Variants in USP32 observed in about 807,000 individuals in gnomAD.
USP32 encodes ubiquitin carboxyl-terminal hydrolase 32.
Under a neutral mutation model 204.8 loss-of-function variants are expected in USP32, and 59 were observed. The observed-to-expected ratio is 0.29, with a 90% CI of 0.23 to 0.36. USP32 has a LOEUF of 0.36. Among genes scored for constraint, USP32 ranks in the 10% least tolerant of loss-of-function variants. The pLI, the probability that USP32 is intolerant of heterozygous loss-of-function variation, is 1.00. For synonymous variants in USP32, 517 were observed against 678.4 expected, an observed-to-expected ratio of 0.76 and a Z score of 3.70; for missense variants, 1,160 against 1,946.4, an observed-to-expected ratio of 0.60 and a Z score of 7.60.
At position 60,356,393 on chromosome 17, in the gene USP32, C is replaced by T. The variant is rs575134382; in HGVS notation, c.59-10785G>A. 2.0e-5 allele frequency among the ~76,000 whole-genome samples: 3 copies of T among 152,266 alleles called. No individual in the cohort carries two copies. In the South Asian group the frequency reaches 6.2e-4, roughly 32 times the overall value. The stretch of plus-strand genomic sequence containing the variant: ...TGCATGTGCCCCAAAATTCCCATAT[C>T]TCTCACTTTGGCTGACCTTAAACCT... On this transcript the variant is annotated intron_variant, in intron 1 of 33. Transcript: ENST00000300896.
intron 2 of USP32, among the ~76,000 whole-genome samples, chr17:60,335,984 C>T (rs8079722): frequency 0.24 from 33,865 of 141,950 alleles, 10,802 homozygotes; most frequent in African/African-American, 0.69. Flanking sequence ...TGGATAGGAT[C>T]CCAACTGTTT....
intron 4 of USP32, among the ~76,000 whole-genome samples, chr17:60,288,909 C>A (rs375395453): frequency 1.2e-4 from 18 of 152,316 alleles, no homozygotes; most frequent in African/African-American, 4.3e-4. Context: ...ATGTTAACTA[C>A]AAATTATTTC....
intron 2 of USP32, among the ~76,000 whole-genome samples, chr17:60,325,273 G>A (rs1433512886): frequency 6.6e-6 from 1 of 151,972 alleles, no homozygotes; most frequent in Non-Finnish European, 1.5e-5. Context: ...AATTACCCAG[G>A]TGTGGCAGTG....
intron 1 of USP32, 82 bp from the exon 2 acceptor site, chr17:60,345,690 G>C: frequency 6.3e-7 from 1 of 1,582,728 alleles, no homozygotes; most frequent in Non-Finnish European, 8.6e-7. Context: ...TGGCTCCTAA[G>C]AAAAATTGAG....
At chr17:60,270,969 G>A (rs2086711369) in intron 6 of USP32, among the ~76,000 whole-genome samples, 1 of 152,112 alleles carries the variant, frequency 6.6e-6, no homozygotes, top group South Asian at 2.1e-4. Context: ...AAAAGTAGAG[G>A]CACCCTACTG....
chr17:60,298,287 T>C (rs1388242787), intron 3 of USP32, among the ~76,000 whole-genome samples: 1 of 152,224 alleles, frequency 6.6e-6, no homozygotes, highest in Non-Finnish European at 1.5e-5. Flanking sequence ...TATTCTCCCT[T>C]GCACAGTACC....
intron 16 of USP32, 127 bp downstream of exon 16, chr17:60,219,543 G>C (rs911750015): frequency 1.4e-6 from 2 of 1,383,392 alleles, no homozygotes; most frequent in African/African-American, 1.7e-5. Flanking sequence ...ACCAGACTTC[G>C]AGCAACGTAG....
chr17:60,313,197 G>A (rs1340343417), intron 2 of USP32, among the ~76,000 whole-genome samples: 2 of 139,806 alleles, frequency 1.4e-5, no homozygotes, highest in Non-Finnish European at 2.9e-5. Context: ...GTTGCAGTGA[G>A]CCAAGATCGC....
rs374471773 is a variant in USP32, at chr17:60,209,499, T to C, written c.2469A>G (p.Gln823=). The C allele has an allele frequency of 3.7e-6, 6 of 1,603,290 alleles. No homozygotes were observed. In the African/African-American group the frequency reaches 8.1e-5, roughly 22 times the overall value. ...AAGCCAGAAGTTCTTGGGAGTCCTG[T>C]TGCTGAAACCCATTAAACCTGGGAG... ...KYAPRFNGFQ[Q]QDSQELLAFL... Residue 823 remains glutamine, a synonymous_variant, in exon 22 of 34, where the codon CAA becomes CAG. Transcript: ENST00000300896.
At chr17:60,213,177 C>G (rs142925729) in intron 18 of USP32, among the ~76,000 whole-genome samples, 135 of 152,342 alleles carry the variant, frequency 8.9e-4, no homozygotes, top group African/African-American at 2.8e-3. Flanking sequence ...ACAAATAGCT[C>G]TGTCAGTGAG....
At chr17:60,249,582 T>TC in intron 11 of USP32, 1 of 569,618 alleles carries the variant, frequency 1.8e-6, no homozygotes, top group Non-Finnish European at 3.1e-6. Flanking sequence ...ATTCCTGCTC[T>TC]CCTTCAAATC....
chr17:60,204,240 G>A (rs1270238146), intron 26 of USP32, among the ~76,000 whole-genome samples: 2 of 152,182 alleles, frequency 1.3e-5, no homozygotes, highest in Non-Finnish European at 1.5e-5. Flanking sequence ...GAAGCCATCC[G>A]CATTTACGTG....
intron 11 of USP32, among the ~76,000 whole-genome samples, chr17:60,245,082 C>A (rs373700541): frequency 1.3e-5 from 2 of 152,196 alleles, no homozygotes; most frequent in Admixed American, 1.3e-4. Flanking sequence ...CATATAAGAT[C>A]GTTATATGTA....
At position 60,265,962 on chromosome 17, in the gene USP32, C is replaced by CAATCATA; in HGVS notation, c.927+7_927+13dup. On this transcript the variant is annotated intron_variant, in intron 8 of 33. Transcript: ENST00000300896. ...AAGTTTATACGCAACAAGACATACA[C>CAATCATA]AATCATAACTTACAGGAATATCATC... 6.3e-7 allele frequency: 1 copy of CAATCATA among 1,594,978 alleles called. No individual in the cohort carries two copies. Among genetic ancestry groups the CAATCATA allele is most frequent in the Non-Finnish European group, 8.6e-7 (1 of 1,163,942 alleles).
At chr17:60,381,460 T>C (rs1387833987) in intron 1 of USP32, among the ~76,000 whole-genome samples, 1 of 151,696 alleles carries the variant, frequency 6.6e-6, no homozygotes. Context: ...AAAAAAAGGT[T>C]TTTATCTGTC....
chr17:60,297,125 T>TG (rs2087451011), intron 3 of USP32, among the ~76,000 whole-genome samples: 1 of 152,154 alleles, frequency 6.6e-6, no homozygotes, highest in Non-Finnish European at 1.5e-5. Context: ...CTGCCAGGTA[T>TG]GGTGGCTCAT....
chr17:60,392,362 G>C (rs897113950), upstream of USP32: 42 of 268,014 alleles, frequency 1.6e-4, 1 homozygote, highest in Middle Eastern at 1.3e-3. Context: ...GCCGGGGAGG[G>C]GGACGCATCT....
chr17:60,221,194 G>C (rs1036950925), intron 15 of USP32, among the ~76,000 whole-genome samples: 1 of 152,032 alleles, frequency 6.6e-6, no homozygotes, highest in Non-Finnish European at 1.5e-5. Context: ...AGGAGTTCGA[G>C]ACCAGCCTGG....
intron 28 of USP32, among the ~76,000 whole-genome samples, chr17:60,192,517 C>T (rs1231749566): frequency 5.9e-5 from 9 of 152,038 alleles, no homozygotes; most frequent in East Asian, 3.9e-4. Context: ...TCACTGGAAC[C>T]GCTGCCTCCT....
Sources: gnomAD v4.1 joint callset for allele counts (sites outside exome capture counted in the v4.1 genomes callset) on GRCh38, gnomAD v4.1.1 for gene constraint, MANE v1.5 for transcripts, NCBI Gene and HGNC (gene_info 2026-07-23, HGNC 2026-07-21) for gene names.